Variants in PTK2B observed in about 807,000 individuals in gnomAD.
PTK2B encodes protein tyrosine kinase 2 beta.
A neutral mutation model predicts 142.9 loss-of-function variants in PTK2B; 71 were observed. That is an observed-to-expected ratio of 0.50 (90% CI 0.41 to 0.61). The LOEUF (loss-of-function observed/expected upper bound fraction) is 0.61. Among genes scored for constraint, PTK2B ranks in the 20% least tolerant of loss-of-function variants. PTK2B has a pLI of 0.00. For missense variants in PTK2B, 1,105 were observed against 1,320.4 expected, an observed-to-expected ratio of 0.84 and a Z score of 2.53; for synonymous variants, 519 against 503.4, an observed-to-expected ratio of 1.03 and a Z score of -0.42.
At chr8:27,311,358 G>T, upstream of PTK2B, 1 of 1,269,438 alleles carries the variant, frequency 7.9e-7, no homozygotes. Context: ...AACGCTGAGA[G>T]ACAGCGGCGC....
At chr8:27,453,553 G>A (rs1811953659) in intron 28 of PTK2B, among the ~76,000 whole-genome samples, 1 of 152,096 alleles carries the variant, frequency 6.6e-6, no homozygotes, top group African/African-American at 2.4e-5. Flanking sequence ...CTCAGCCTTG[G>A]CTGTCCATTA....
intron 1 of PTK2B, among the ~76,000 whole-genome samples, chr8:27,368,319 C>T (rs920704639): frequency 6.6e-6 from 1 of 152,150 alleles, no homozygotes; most frequent in African/African-American, 2.4e-5. Context: ...TTTGGCTCCC[C>T]CACCCTGCTC....
At chr8:27,422,202 C>A in intron 4 of PTK2B, 102 bp from the exon 5 acceptor site, 1 of 1,130,618 alleles carries the variant, frequency 8.8e-7, no homozygotes, top group Non-Finnish European at 1.2e-6. Context: ...GGGTGGCTGT[C>A]ACTCAGGGAG....
intron 2 of PTK2B, 72 bp from the exon 3 acceptor site, chr8:27,419,823 A>G (rs2131821199): frequency 6.6e-7 from 1 of 1,515,258 alleles, no homozygotes; most frequent in South Asian, 1.2e-5. Context: ...CCCACTTTTC[A>G]GGTCTGTGTG....
chr8:27,388,617 T>C (rs1807518039), intron 1 of PTK2B, among the ~76,000 whole-genome samples: 1 of 152,228 alleles, frequency 6.6e-6, no homozygotes, highest in Non-Finnish European at 1.5e-5. Context: ...AGTGGTGTGC[T>C]GGAACCAACT....
intron 2 of PTK2B, among the ~76,000 whole-genome samples, chr8:27,418,930 A>C (rs1465795995): frequency 2.6e-5 from 4 of 152,206 alleles, no homozygotes; most frequent in Non-Finnish European, 5.9e-5. Flanking sequence ...CAGGAGGATG[A>C]GGCAGGAGAA....
chr8:27,454,972 GTTTC>G (rs1812061872), intron 30 of PTK2B, among the ~76,000 whole-genome samples: 1 of 152,054 alleles, frequency 6.6e-6, no homozygotes, highest in African/African-American at 2.4e-5. Flanking sequence ...ATCACTTAAG[GTTTC>G]TTTATTTAAT....
intron 10 of PTK2B, among the ~76,000 whole-genome samples, chr8:27,433,120 C>A (rs922063461): frequency 7.2e-5 from 11 of 152,256 alleles, no homozygotes; most frequent in African/African-American, 2.4e-4. Context: ...AGCCACTGTG[C>A]CCAGCCCCCT....
At chr8:27,378,601 CTGTGTGTGTGTGTGTGTGTGTGTGTGTG>C (rs58485965) in intron 1 of PTK2B, among the ~76,000 whole-genome samples, 23 of 148,286 alleles carry the variant, frequency 1.6e-4, no homozygotes, top group Non-Finnish European at 2.7e-4. Flanking sequence ...TACAGCTTAT[CTGTGTGTGTGTGTGTGTGTGTGTGTGTG>C]TGTGTGTGTG....
intron 1 of PTK2B, among the ~76,000 whole-genome samples, chr8:27,350,254 G>GT (rs1399065109): frequency 6.6e-6 from 1 of 152,186 alleles, no homozygotes; most frequent in Non-Finnish European, 1.5e-5. Context: ...AAGGCGTAAC[G>GT]TAAGTCACAG....
intron 1 of PTK2B, among the ~76,000 whole-genome samples, chr8:27,373,120 A>G (rs17447007): frequency 0.38 from 58,415 of 151,852 alleles, 12,046 homozygotes; most frequent in African/African-American, 0.53. Context: ...TCACTCATGC[A>G]AGTTACCACT....
At chr8:27,345,144 C>A (rs944591300) in intron 1 of PTK2B, among the ~76,000 whole-genome samples, 3 of 152,188 alleles carry the variant, frequency 2.0e-5, no homozygotes, top group African/African-American at 7.2e-5. Context: ...GCCTGGGAGA[C>A]AGTGAGACTC....
intron 1 of PTK2B, among the ~76,000 whole-genome samples, chr8:27,394,279 C>T (rs942993996): frequency 4.8e-4 from 73 of 152,290 alleles, no homozygotes; most frequent in African/African-American, 1.5e-3. Context: ...TCCCTATCAT[C>T]ATTTCTCTGG....
At chr8:27,445,646 A>G in intron 23 of PTK2B, 148 bp from the exon 24 acceptor site, 1 of 1,142,864 alleles carries the variant, frequency 8.7e-7, no homozygotes, top group East Asian at 2.4e-5. Flanking sequence ...TGGAAGGCCC[A>G]CGTTTTGTTC....
chr8:27,360,183 C>T (rs1805617833), intron 1 of PTK2B, among the ~76,000 whole-genome samples: 1 of 152,204 alleles, frequency 6.6e-6, no homozygotes, highest in Non-Finnish European at 1.5e-5. Flanking sequence ...TTGGCAAAAG[C>T]TCACTTTCAT....
chr8:27,405,208 C>T lies in PTK2B; in HGVS notation c.204+7420C>T, dbSNP rs78625261. On this transcript the variant is annotated intron_variant, in intron 2 of 30. Coordinates refer to ENST00000346049, the MANE Select transcript of PTK2B (RefSeq NM_173176.3). ...AATAAATGCTTCTTGTTTAAGGCGC[C>T]CAGTCAGGGTGATTTGTTAGAGCAG... Among the ~76,000 whole-genome samples the T allele has an allele frequency of 7.5e-4, 114 of 152,262 alleles. 1 individual carries two copies. The East Asian group carries it at 0.019, about 25-fold the overall frequency.
At chr8:27,318,034 A>G (rs1466233386) in intron 3 of PTK2B, among the ~76,000 whole-genome samples, 1 of 152,196 alleles carries the variant, frequency 6.6e-6, no homozygotes, top group Non-Finnish European at 1.5e-5. Flanking sequence ...CGTAATATAA[A>G]TCATACCTCA....
chr8:27,421,034 G>A (rs2131840368), intron 4 of PTK2B, among the ~76,000 whole-genome samples: 1 of 152,290 alleles, frequency 6.6e-6, no homozygotes, highest in East Asian at 1.9e-4. Context: ...GGTCCAAGAT[G>A]AATCCTGCAG....
intron 2 of PTK2B, among the ~76,000 whole-genome samples, chr8:27,403,588 T>G (rs1298481765): frequency 2.0e-5 from 3 of 152,188 alleles, no homozygotes; most frequent in Non-Finnish European, 4.4e-5. Flanking sequence ...TTGTGTTTGT[T>G]TAGGAGCTCT....
Sources: gnomAD v4.1 joint callset for allele counts (sites outside exome capture counted in the v4.1 genomes callset) on GRCh38, gnomAD v4.1.1 for gene constraint, MANE v1.5 for transcripts, NCBI Gene and HGNC (gene_info 2026-07-23, HGNC 2026-07-21) for gene names.